The following RFTN2 variants were observed in gnomAD, a reference collection of about 807,000 sequenced individuals.
RFTN2 encodes the protein raftlin-2.
Under a neutral mutation model 52.7 loss-of-function variants are expected in RFTN2, and 34 were observed. The observed-to-expected ratio is 0.64, with a 90% CI of 0.49 to 0.86. RFTN2 has a LOEUF of 0.86. Ranked by LOEUF, RFTN2 falls within the 40% of genes least tolerant of loss-of-function variation. The pLI, the probability that RFTN2 is intolerant of heterozygous loss-of-function variation, is 0.00. For missense variants in RFTN2, 536 were observed against 600.1 expected (o/e 0.89, Z 1.12); for synonymous variants, 203 against 217.7 (o/e 0.93, Z 0.59).
intron 1 of RFTN2, among the ~76,000 whole-genome samples, chr2:197,673,368 A>C (rs1479635550): frequency 6.6e-6 from 1 of 152,210 alleles, no homozygotes; most frequent in Non-Finnish European, 1.5e-5. Context: ...ATGACCTGGA[A>C]GGTAGTTTGC....
chr2:197,674,456 T>C (rs1322896016), intron 1 of RFTN2, among the ~76,000 whole-genome samples: 1 of 150,404 alleles, frequency 6.6e-6, no homozygotes, highest in Non-Finnish European at 1.5e-5. Context: ...ATTGATAAAA[T>C]GTGTGGCTCA....
chr2:197,591,301 C>T (rs1274942514), intron 8 of RFTN2, among the ~76,000 whole-genome samples: 3 of 152,140 alleles, frequency 2.0e-5, no homozygotes, highest in Non-Finnish European at 4.4e-5. Flanking sequence ...TCTCCAAGTC[C>T]CCACCAGATT....
At chr2:197,634,186 T>A (rs1044471815) in intron 3 of RFTN2, among the ~76,000 whole-genome samples, 189 bp from the exon 4 acceptor site, 1 of 152,072 alleles carries the variant, frequency 6.6e-6, no homozygotes. Context: ...TGCCACATGA[T>A]CATCATGACC....
chr2:197,599,204 G>T (rs2087842036), intron 7 of RFTN2, among the ~76,000 whole-genome samples: 1 of 152,126 alleles, frequency 6.6e-6, no homozygotes, highest in Admixed American at 6.5e-5. Flanking sequence ...CTCCCAAAGT[G>T]CTGGGATTAC....
At chr2:197,619,793 A>C (rs558717975) in intron 5 of RFTN2, among the ~76,000 whole-genome samples, 3 of 150,484 alleles carry the variant, frequency 2.0e-5, no homozygotes, top group African/African-American at 4.8e-5. Flanking sequence ...TTAAAAAAAA[A>C]CATTTGTTTT....
intron 5 of RFTN2, among the ~76,000 whole-genome samples, chr2:197,624,597 C>CAAAAA (rs746144794): frequency 2.1e-3 from 124 of 57,804 alleles, no homozygotes; most frequent in Non-Finnish European, 2.6e-3. Flanking sequence ...GACTCTGTCT[C>CAAAAA]AAAAAAAAAA....
intron 5 of RFTN2, among the ~76,000 whole-genome samples, chr2:197,623,961 G>T (rs145822145): frequency 1.4e-3 from 208 of 152,104 alleles, no homozygotes; most frequent in African/African-American, 4.8e-3. Context: ...ACCACGGCTG[G>T]CAAATTTTTG....
intron 3 of RFTN2, among the ~76,000 whole-genome samples, chr2:197,641,545 T>G (rs1300767808): frequency 6.6e-6 from 1 of 152,220 alleles, no homozygotes; most frequent in Non-Finnish European, 1.5e-5. Context: ...TACTAGGAAC[T>G]TTTATCTGGA....
At chr2:197,617,989 C>A in intron 5 of RFTN2, 68 bp from the exon 6 acceptor site, 2 of 1,260,572 alleles carry the variant, frequency 1.6e-6, no homozygotes. Context: ...CATCTAAATC[C>A]TTAAATAACT....
At chr2:197,621,885 T>TA (rs2088272375) in intron 5 of RFTN2, among the ~76,000 whole-genome samples, 1 of 152,232 alleles carries the variant, frequency 6.6e-6, no homozygotes, top group African/African-American at 2.4e-5. Context: ...GGCGGTAAAC[T>TA]AGGCCTCTTG....
chr2:197,593,407 C>T (rs1188716191), intron 8 of RFTN2, among the ~76,000 whole-genome samples: 1 of 151,876 alleles, frequency 6.6e-6, no homozygotes, highest in African/African-American at 2.4e-5. Context: ...ACAAAAAGGG[C>T]CTGCATATTT....
At chr2:197,574,289 T>G (rs1249809459) in intron 8 of RFTN2, among the ~76,000 whole-genome samples, 1 of 152,214 alleles carries the variant, frequency 6.6e-6, no homozygotes, top group Non-Finnish European at 1.5e-5. Flanking sequence ...GGAACCCATC[T>G]CTTGCATCAG....
chr2:197,659,043 C>A (rs2088935325), intron 1 of RFTN2, among the ~76,000 whole-genome samples: 1 of 152,042 alleles, frequency 6.6e-6, no homozygotes. Flanking sequence ...TAGAAAAAGT[C>A]ATATACTATG....
intron 8 of RFTN2, among the ~76,000 whole-genome samples, chr2:197,595,114 A>G (rs553609274): frequency 6.6e-6 from 1 of 152,238 alleles, no homozygotes. Context: ...GCATCCAGTA[A>G]GATCAAGGTG....
Position 197,675,526 on chromosome 2 carries a change from T to C in RFTN2, c.-68A>G. The stretch of plus-strand genomic sequence containing the variant: ...GAGCAGCAAATTCTGTTGTTTAAGC[T>C]GCAAAAAGAAAGTTACAGACTTAAC... On this transcript the variant is annotated 5_prime_UTR_variant, in exon 1 of 9. Coordinates refer to ENST00000295049, the MANE Select transcript of RFTN2 (RefSeq NM_144629.3). 2.0e-6 allele frequency: 2 copies of C among 987,370 alleles called. No homozygotes were observed. The highest frequency in any genetic ancestry group is 1.3e-6 in the Non-Finnish European group (1 of 787,958). 61.2% of individuals were successfully genotyped at this position (987,370 alleles called of 1,614,324 possible). A position where few individuals can be genotyped will look rare whatever the true frequency, so the allele number is the denominator to read the frequency against.
chr2:197,582,934 G>T (rs559729956), intron 8 of RFTN2, among the ~76,000 whole-genome samples: 12 of 151,908 alleles, frequency 7.9e-5, no homozygotes, highest in Non-Finnish European at 5.9e-5. Flanking sequence ...CCTTCTCATC[G>T]GTCACTCCCA....
chr2:197,657,134 G>C (rs1476321170), intron 1 of RFTN2, among the ~76,000 whole-genome samples: 1 of 152,074 alleles, frequency 6.6e-6, no homozygotes, highest in Non-Finnish European at 1.5e-5. Flanking sequence ...AAAGGGCTGG[G>C]GTTACAGGCA....
intron 8 of RFTN2, among the ~76,000 whole-genome samples, chr2:197,584,658 T>C (rs1262774972): frequency 6.6e-6 from 1 of 152,210 alleles, no homozygotes; most frequent in Admixed American, 6.5e-5. Flanking sequence ...CCATTGCTTT[T>C]GGTGTTTTAG....
At chr2:197,617,958 A>C (rs2088174234) in intron 5 of RFTN2, 37 bp from the exon 6 acceptor site, 3 of 1,509,468 alleles carry the variant, frequency 2.0e-6, no homozygotes, top group Non-Finnish European at 1.8e-6. Context: ...AGGGTTGTAA[A>C]TACTAAGTGG....
Sources: gnomAD v4.1 joint callset for allele counts (sites outside exome capture counted in the v4.1 genomes callset) on GRCh38, gnomAD v4.1.1 for gene constraint, MANE v1.5 for transcripts, NCBI Gene and HGNC (gene_info 2026-07-23, HGNC 2026-07-21) for gene names.